The following WWC2 variants were observed in gnomAD, a reference collection of about 807,000 sequenced individuals.
The protein encoded by WWC2 is protein WWC2.
In WWC2, 101 loss-of-function variants were observed where a neutral mutation model predicts 138.5. That is an observed-to-expected ratio of 0.73 (90% CI 0.62 to 0.86). WWC2 has a LOEUF of 0.86. Ranked by LOEUF, WWC2 falls within the 40% of genes least tolerant of loss-of-function variation. The pLI, the probability that WWC2 is intolerant of heterozygous loss-of-function variation, is 0.00. For synonymous variants in WWC2, 558 were observed against 538.4 expected (o/e 1.04, Z -0.50); for missense variants, 1,420 against 1,419.4 (o/e 1.00, Z -0.01).
At chr4:183,185,949 T>TTA (rs994678991) in intron 1 of WWC2, among the ~76,000 whole-genome samples, 1 of 149,756 alleles carries the variant, frequency 6.7e-6, no homozygotes, top group African/African-American at 2.5e-5. Flanking sequence ...ACATAGATTT[T>TTA]TTTTTTTTTT....
chr4:183,211,414 T>C (rs1735595032), intron 4 of WWC2, among the ~76,000 whole-genome samples: 2 of 152,252 alleles, frequency 1.3e-5, no homozygotes, highest in Non-Finnish European at 2.9e-5. Context: ...GTGTAATTTT[T>C]GAACACTTTG....
intron 1 of WWC2, among the ~76,000 whole-genome samples, chr4:183,163,520 G>GT (rs1475712569): frequency 6.6e-6 from 1 of 152,214 alleles, no homozygotes; most frequent in African/African-American, 2.4e-5. Flanking sequence ...CTGTGATCTG[G>GT]TTTGGGGGCA....
In WWC2 at chr4:183,227,327, C is replaced by G. The variant is rs143366678; in HGVS notation, c.523-12856C>G. On this transcript the variant is annotated intron_variant, in intron 4 of 22. Transcript: ENST00000403733. ...GAAGCAGTGACAGATGGTTGTGCCTCCAGTCACTTGCAGATGCACGTCTTC... is the reference window on the plus strand; with the variant it reads ...GAAGCAGTGACAGATGGTTGTGCCTGCAGTCACTTGCAGATGCACGTCTTC... Among the ~76,000 whole-genome samples, 1,111 of 152,134 alleles carry G rather than the reference C, an allele frequency of 7.3e-3. 30 individuals carry two copies. The highest frequency in any genetic ancestry group is 0.025 in the African/African-American group (1,050 of 41,416).
chr4:183,211,908 G>A (rs1192315594), intron 4 of WWC2, among the ~76,000 whole-genome samples: 4 of 151,412 alleles, frequency 2.6e-5, no homozygotes, highest in Admixed American at 1.3e-4. Context: ...TGCAAGCTCC[G>A]CTTCCTGGGT....
intron 6 of WWC2, 144 bp from the exon 7 acceptor site, chr4:183,248,569 CA>C (rs1314799440): frequency 2.6e-6 from 2 of 777,438 alleles, no homozygotes; most frequent in African/African-American, 3.5e-5. Context: ...GTTATTTTTT[CA>C]ATTATATAAA....
intron 1 of WWC2, among the ~76,000 whole-genome samples, chr4:183,136,392 AT>A (rs1181586889): frequency 6.6e-6 from 1 of 151,970 alleles, no homozygotes. Context: ...GAAACTTCTT[AT>A]TTGAATTTTT....
intron 1 of WWC2, among the ~76,000 whole-genome samples, chr4:183,127,563 A>G (rs62336595): frequency 0.18 from 27,583 of 152,160 alleles, 2,773 homozygotes; most frequent in East Asian, 0.27. Flanking sequence ...CTAGAGACCT[A>G]ATATACAACA....
intron 1 of WWC2, among the ~76,000 whole-genome samples, chr4:183,164,857 G>C (rs1734087741): frequency 6.6e-6 from 1 of 152,080 alleles, no homozygotes; most frequent in Non-Finnish European, 1.5e-5. Context: ...CCACATTCTG[G>C]TTACCATAAG....
At chr4:183,136,847 A>G (rs530204000) in intron 1 of WWC2, among the ~76,000 whole-genome samples, 1 of 152,254 alleles carries the variant, frequency 6.6e-6, no homozygotes, top group Non-Finnish European at 1.5e-5. Context: ...CTGCTGTCAT[A>G]GAGTGTACTT....
At chr4:183,240,036 T>A in intron 4 of WWC2, 147 bp from the exon 5 acceptor site, 1 of 574,312 alleles carries the variant, frequency 1.7e-6, no homozygotes, top group Non-Finnish European at 3.0e-6. Context: ...ACAGAATTTA[T>A]GTGAAGGAGA....
chr4:183,285,590 A>T (rs1738220513), intron 19 of WWC2, among the ~76,000 whole-genome samples: 1 of 152,068 alleles, frequency 6.6e-6, no homozygotes, highest in South Asian at 2.1e-4. Flanking sequence ...GTGAAACCCC[A>T]TCCTACTAAA....
chr4:183,225,946 A>G (rs1453338837), intron 4 of WWC2, among the ~76,000 whole-genome samples: 1 of 152,150 alleles, frequency 6.6e-6, no homozygotes, highest in Admixed American at 6.5e-5. Context: ...AAAATTAACC[A>G]CATGCTAGTC....
chr4:183,282,989 G>C (rs1738130982), intron 18 of WWC2, 83 bp downstream of exon 18: 2 of 1,359,070 alleles, frequency 1.5e-6, no homozygotes, highest in South Asian at 3.3e-5. Context: ...GTCTCCTTAG[G>C]TGTAAATTCC....
rs375208241 is a variant in WWC2 at position 183,224,069 on chromosome 4, T to TAAAAC, written c.522+15060_522+15064dup. 6.6e-5 allele frequency among the ~76,000 whole-genome samples: 10 copies of TAAAAC among 152,168 alleles called. No homozygotes were observed. The South Asian group carries it at 1.7e-3, about 25-fold the overall frequency. On this transcript the variant is annotated intron_variant, in intron 4 of 22. Coordinates refer to ENST00000403733, the MANE Select transcript of WWC2 (RefSeq NM_024949.6). ...TAATCGCCCTCTTTTCTTTGTAACTTAAAACAAAACAAAACAAAACTAGGT... is the reference window on the plus strand; with the variant it reads ...TAATCGCCCTCTTTTCTTTGTAACTTAAAACAAAACAAAACAAAACAAAACTAGGT...
At position 183,099,488 on chromosome 4, in the gene WWC2, G is replaced by A; in HGVS notation, c.-4G>A. On this transcript the variant is annotated 5_prime_UTR_variant, in exon 1 of 23. Transcript: ENST00000403733. ...GGCGCCGCTCGCCGGCGAGGCCGCC[G>A]ACCATGCCTAGGAGGGCCGGGAGCG... 1 of 1,314,260 alleles carries A rather than the reference G, an allele frequency of 7.6e-7. No homozygotes were observed. Among genetic ancestry groups the A allele is most frequent in the Non-Finnish European group, 9.8e-7 (1 of 1,021,124 alleles). 81.4% of individuals were successfully genotyped at this position (1,314,260 alleles called of 1,614,324 possible). A position where few individuals can be genotyped will look rare whatever the true frequency, so the allele number is the denominator to read the frequency against.
At chr4:183,299,983 GT>G (rs974911736) in intron 21 of WWC2, among the ~76,000 whole-genome samples, 1 of 152,126 alleles carries the variant, frequency 6.6e-6, no homozygotes, top group Non-Finnish European at 1.5e-5. Flanking sequence ...CCCAAAGTCT[GT>G]TTTGTAGCTC....
At chr4:183,151,033 T>C (rs572287611) in intron 1 of WWC2, among the ~76,000 whole-genome samples, 96 of 152,340 alleles carry the variant, frequency 6.3e-4, no homozygotes, top group Non-Finnish European at 1.2e-3. Flanking sequence ...GCATGATTTA[T>C]AATTCCTTGG....
At position 183,112,081 on chromosome 4, in the gene WWC2, A is replaced by G. The variant is rs371059201; in HGVS notation, c.131+12459A>G. The stretch of plus-strand genomic sequence containing the variant: ...CTAATGATATTTCTCATAGGACAGC[A>G]TGACTAGAAACCAGTATTTAACTTG... On this transcript the variant is annotated intron_variant, in intron 1 of 22. Coordinates refer to ENST00000403733, the MANE Select transcript of WWC2 (RefSeq NM_024949.6). 9.2e-5 allele frequency among the ~76,000 whole-genome samples: 14 copies of G among 152,312 alleles called. 1 individual carries two copies. Among genetic ancestry groups the G allele is most frequent in the African/African-American group, 2.9e-4 (12 of 41,560 alleles).
In WWC2 at chr4:183,284,216, T is replaced by C; in HGVS notation, c.2884-10T>C. The stretch of plus-strand genomic sequence containing the variant: ...TTCAGCTCCTGACAAATTGTTAACT[T>C]CTCTTATAGGTTGACAAAGAGACAA... On this transcript the variant is annotated splice_polypyrimidine_tract_variant and intron_variant, in intron 18 of 22. Transcript: ENST00000403733. 6.2e-7 allele frequency: 1 copy of C among 1,610,278 alleles called. No individual in the cohort carries two copies. The highest frequency in any genetic ancestry group is 2.2e-5 in the East Asian group (1 of 44,774).
Sources: gnomAD v4.1 joint callset for allele counts (sites outside exome capture counted in the v4.1 genomes callset) on GRCh38, gnomAD v4.1.1 for gene constraint, MANE v1.5 for transcripts, NCBI Gene and HGNC (gene_info 2026-07-23, HGNC 2026-07-21) for gene names.